The following PMS1 variants were observed in gnomAD, a reference collection of about 807,000 sequenced individuals.
The protein encoded by PMS1 is PMS1 homolog 1, mismatch repair system component.
A neutral mutation model predicts 93.1 loss-of-function variants in PMS1; 79 were observed. The ratio of observed to expected loss-of-function variants is 0.85; its 90% CI spans 0.71 to 1.02. The LOEUF is 1.02. Ranked by LOEUF, PMS1 falls within the 50% of genes least tolerant of loss-of-function variation. The pLI, the probability that PMS1 is intolerant of heterozygous loss-of-function variation, is 0.00. For missense variants in PMS1, 1,064 were observed against 1,085.3 expected (o/e 0.98, Z 0.28); for synonymous variants, 335 against 363.4 (o/e 0.92, Z 0.89).
At chr2:189,870,272 T>C (rs2057033421) in intron 11 of PMS1, among the ~76,000 whole-genome samples, 1 of 152,214 alleles carries the variant, frequency 6.6e-6, no homozygotes, top group Non-Finnish European at 1.5e-5. Flanking sequence ...AGTACTTCTT[T>C]GGATAAGGAT....
intron 5 of PMS1, among the ~76,000 whole-genome samples, chr2:189,831,649 T>G (rs1363728114): frequency 1.3e-5 from 2 of 152,334 alleles, no homozygotes; most frequent in East Asian, 3.9e-4. Flanking sequence ...ATAATTTTGA[T>G]TTTACTCCTA....
intron 4 of PMS1, among the ~76,000 whole-genome samples, chr2:189,814,287 C>G (rs571703151): frequency 6.6e-6 from 1 of 151,148 alleles, no homozygotes; most frequent in East Asian, 2.0e-4. Context: ...AGGAAATGCT[C>G]TATATAAAAA....
chr2:189,846,328 A>G (rs1427718164), intron 6 of PMS1, among the ~76,000 whole-genome samples: 3 of 152,134 alleles, frequency 2.0e-5, no homozygotes, highest in Non-Finnish European at 4.4e-5. Flanking sequence ...CCTGGCCAAC[A>G]TGGCAAAACC....
chr2:189,808,588 C>T (rs545908620), intron 4 of PMS1, among the ~76,000 whole-genome samples: 32 of 152,226 alleles, frequency 2.1e-4, no homozygotes, highest in Admixed American at 7.2e-4. Flanking sequence ...TCCTCAGCCC[C>T]GCAAAGTGCT....
chr2:189,861,824 T>C (rs2056046360), intron 9 of PMS1, among the ~76,000 whole-genome samples: 1 of 150,204 alleles, frequency 6.7e-6, no homozygotes, highest in South Asian at 2.1e-4. Context: ...TGCGGTTTCC[T>C]ATTTGTACTG....
At chr2:189,806,064 A>C in intron 4 of PMS1, 1 of 658,448 alleles carries the variant, frequency 1.5e-6, no homozygotes, top group Admixed American at 3.8e-5. Flanking sequence ...TATGAAGAAG[A>C]TTAAAATTTT....
At chr2:189,833,865 A>G (rs1057296853) in intron 5 of PMS1, among the ~76,000 whole-genome samples, 2 of 152,256 alleles carry the variant, frequency 1.3e-5, no homozygotes, top group African/African-American at 4.8e-5. Context: ...ACTTTTGAGG[A>G]AAAAATTATA....
rs1426367105 is a variant in PMS1 at position 189,857,616 on chromosome 2, TTC to T, written c.1856+2489_1856+2490del. ...TCCTTTTCCTTTCTTCTTCTCTCGATTCCTCCTTTCCCTTCCCTTCTTTCAAC... is the reference window on the plus strand; with the variant it reads ...TCCTTTTCCTTTCTTCTTCTCTCGATCTCCTTTCCCTTCCCTTCTTTCAAC... On this transcript the variant is annotated intron_variant, in intron 9 of 12. Transcript: ENST00000441310. The T allele has an allele frequency of 1.9e-3, 707 of 377,658 alleles. 9 individuals are homozygous for T. The Middle Eastern group carries it at 0.054, about 29-fold the overall frequency. 23.4% of individuals were successfully genotyped at this position (377,658 alleles called of 1,614,324 possible). A position where few individuals can be genotyped will look rare whatever the true frequency, so the allele number is the denominator to read the frequency against.
intron 1 of PMS1, among the ~76,000 whole-genome samples, chr2:189,786,193 G>A (rs573637393): frequency 6.6e-6 from 1 of 152,308 alleles, no homozygotes; most frequent in South Asian, 2.1e-4. Flanking sequence ...ACGATGGGAT[G>A]ACTGGGAGAG....
chr2:189,787,515 T>A (rs1455986081), intron 1 of PMS1, among the ~76,000 whole-genome samples: 2 of 152,226 alleles, frequency 1.3e-5, no homozygotes, highest in Non-Finnish European at 2.9e-5. Flanking sequence ...TACAGTTATC[T>A]TACATTGATT....
At position 189,805,697 on chromosome 2, in the gene PMS1, T is replaced by C. The variant is rs2050275914; in HGVS notation, c.361T>C (p.Tyr121His). Reference protein sequence around the residue: ...RTAADNFSTQYVLDGSGHILS... With the variant: ...RTAADNFSTQHVLDGSGHILS... The stretch of plus-strand genomic sequence containing the variant: ...GGCTGCTGATAATTTTAGCACCCAG[T>C]ATGTTTTAGATGGCAGTGGCCACAT... Residue 121 changes from tyrosine (Y) to histidine (H), a missense_variant, in exon 4 of 13, where the codon TAT becomes CAT. Transcript: ENST00000441310. The C allele has an allele frequency of 6.2e-7, 1 of 1,613,788 alleles. No homozygotes were observed. Among genetic ancestry groups the C allele is most frequent in the African/African-American group, 1.3e-5 (1 of 74,910 alleles).
intron 10 of PMS1, among the ~76,000 whole-genome samples, chr2:189,866,820 G>A (rs1369898468): frequency 2.0e-5 from 3 of 152,152 alleles, no homozygotes; most frequent in Non-Finnish European, 2.9e-5. Flanking sequence ...GTATGTCCAA[G>A]ATTACAATCT....
chr2:189,861,930 T>C (rs1202339632), intron 9 of PMS1, among the ~76,000 whole-genome samples: 4 of 152,050 alleles, frequency 2.6e-5, no homozygotes, highest in Non-Finnish European at 2.9e-5. Flanking sequence ...TACCTGTATA[T>C]TAGATATAAA....
chr2:189,841,263 T>C (rs2053797800), intron 5 of PMS1, among the ~76,000 whole-genome samples: 1 of 152,220 alleles, frequency 6.6e-6, no homozygotes, highest in Non-Finnish European at 1.5e-5. Context: ...CAGTAGTTTC[T>C]AGAACAGTAG....
chr2:189,877,225 G>C (rs113945780), intron 12 of PMS1, 47 bp from the exon 13 acceptor site: 1 of 1,510,922 alleles, frequency 6.6e-7, no homozygotes, highest in African/African-American at 1.4e-5. Flanking sequence ...CATGTTTTCA[G>C]CTTCAGGGTA....
intron 5 of PMS1, among the ~76,000 whole-genome samples, chr2:189,827,993 G>A (rs1384677339): frequency 1.3e-5 from 2 of 151,402 alleles, no homozygotes; most frequent in Non-Finnish European, 1.5e-5. Flanking sequence ...GTGTGATCTC[G>A]GCTCACTGCA....
chr2:189,867,007 T>C (rs999217022), intron 10 of PMS1, among the ~76,000 whole-genome samples: 3 of 152,174 alleles, frequency 2.0e-5, no homozygotes, highest in Non-Finnish European at 4.4e-5. Context: ...CTCACAGCCA[T>C]TGGGGTCTTC....
chr2:189,786,339 A>C lies in PMS1; in HGVS notation c.-21+1746A>C, dbSNP rs5742946. On this transcript the variant is annotated intron_variant, in intron 1 of 12. Transcript: ENST00000441310. ...GAACCCTATAGGTGGTTGAGATTCG[A>C]GTCAAAATATCAATTAGGTGGTTAT... 4.3e-4 allele frequency among the ~76,000 whole-genome samples: 65 copies of C among 152,312 alleles called. No individual in the cohort carries two copies. In the East Asian group the frequency reaches 0.01, roughly 24 times the overall value.
chr2:189,855,126 GAAGT>G lies in PMS1; in HGVS notation c.1856+3_1856+6del, dbSNP rs2055174314. The G allele has an allele frequency of 6.2e-7, 1 of 1,612,166 alleles. No homozygotes were observed. Among genetic ancestry groups the G allele is most frequent in the Admixed American group, 1.7e-5 (1 of 59,978 alleles). ...AGACATTGAGTGAAGAGGAAAAACT[GAAGT>G]AAGTTTCCAGAGCTTGCATGTGACT... On this transcript the variant is annotated splice_donor_variant and coding_sequence_variant, in exon 9 of 13. Transcript: ENST00000441310. LOFTEE classifies it high-confidence loss of function.
Sources: gnomAD v4.1 joint callset for allele counts (sites outside exome capture counted in the v4.1 genomes callset) on GRCh38, gnomAD v4.1.1 for gene constraint, MANE v1.5 for transcripts, NCBI Gene and HGNC (gene_info 2026-07-23, HGNC 2026-07-21) for gene names.